OLA1: variants seen among roughly 807,000 people sequenced by gnomAD.
OLA1 encodes the protein obg-like ATPase 1.
A neutral mutation model predicts 48.4 loss-of-function variants in OLA1; 14 were observed. The ratio of observed to expected loss-of-function variants is 0.29; its 90% CI spans 0.19 to 0.45. The LOEUF is 0.45. Among genes scored for constraint, OLA1 ranks in the 20% least tolerant of loss-of-function variants. The probability of loss-of-function intolerance (pLI) is 1.00; values close to 1 mark genes in which losing one functional copy is unlikely to be tolerated. For synonymous variants in OLA1, 127 were observed against 150.4 expected, an observed-to-expected ratio of 0.84 and a Z score of 1.14; for missense variants, 325 against 467.1, an observed-to-expected ratio of 0.70 and a Z score of 2.80.
chr2:174,236,353 AATT>A (rs2105461670), intron 2 of OLA1, among the ~76,000 whole-genome samples: 1 of 152,284 alleles, frequency 6.6e-6, no homozygotes, highest in Non-Finnish European at 1.5e-5. Context: ...ATCCAAATAA[AATT>A]ATTGTTAAAA....
intron 7 of OLA1, among the ~76,000 whole-genome samples, chr2:174,116,168 C>A (rs2105362999): frequency 6.6e-6 from 1 of 152,256 alleles, no homozygotes; most frequent in South Asian, 2.1e-4. Context: ...TGTGCAGTCC[C>A]AGCCTTATAT....
At chr2:174,169,409 C>T (rs528230765) in intron 4 of OLA1, among the ~76,000 whole-genome samples, 7 of 152,078 alleles carry the variant, frequency 4.6e-5, no homozygotes, top group Admixed American at 1.3e-4. Flanking sequence ...ACACAAATGT[C>T]GAAGGTAAAG....
intron 4 of OLA1, among the ~76,000 whole-genome samples, chr2:174,175,326 G>A (rs1307008829): frequency 6.9e-6 from 1 of 143,890 alleles, no homozygotes; most frequent in Admixed American, 6.9e-5. Context: ...CCACAGACTA[G>A]GAGAAAATTT....
intron 4 of OLA1, among the ~76,000 whole-genome samples, chr2:174,216,838 A>G (rs777893257): frequency 8.5e-5 from 13 of 152,090 alleles, no homozygotes; most frequent in Non-Finnish European, 1.5e-4. Context: ...GAGCCACCGC[A>G]CCTGGCCATG....
At chr2:174,142,386 T>C (rs1222429674) in intron 4 of OLA1, among the ~76,000 whole-genome samples, 2 of 151,346 alleles carry the variant, frequency 1.3e-5, no homozygotes, top group Non-Finnish European at 2.9e-5. Context: ...GGAGGGGGGG[T>C]CTGAAATCAT....
At chr2:174,097,921 G>A (rs1004351174) in intron 7 of OLA1, among the ~76,000 whole-genome samples, 2 of 151,974 alleles carry the variant, frequency 1.3e-5, no homozygotes, top group Non-Finnish European at 2.9e-5. Context: ...TATCCAAATC[G>A]TCTCACTATT....
At chr2:174,167,299 G>A (rs956410162) in intron 4 of OLA1, among the ~76,000 whole-genome samples, 3 of 152,230 alleles carry the variant, frequency 2.0e-5, no homozygotes, top group African/African-American at 7.2e-5. Flanking sequence ...CCTTAGCCCA[G>A]GCGCAGTGGC....
intron 7 of OLA1, among the ~76,000 whole-genome samples, chr2:174,121,765 T>C (rs557160978): frequency 9.3e-4 from 142 of 152,328 alleles, no homozygotes; most frequent in Middle Eastern, 3.4e-3. Context: ...CTAAGCAGTC[T>C]GTCTACCATT....
Position 174,081,909 on chromosome 2 carries a change from T to C in OLA1, c.869+15A>G. The C allele has an allele frequency of 6.2e-7, 1 of 1,609,092 alleles. No individual in the cohort carries two copies. The highest frequency in any genetic ancestry group is 8.5e-7 in the Non-Finnish European group (1 of 1,178,316). On this transcript the variant is annotated intron_variant, in intron 8 of 10. Transcript: ENST00000284719. The stretch of plus-strand genomic sequence containing the variant: ...AGTTGATAATAAAGTGTAGGGAAAA[T>C]GAATGCTAATTAACCTTTGTGTCAT...
At chr2:174,185,071 T>A (rs1687623968) in intron 4 of OLA1, among the ~76,000 whole-genome samples, 1 of 152,184 alleles carries the variant, frequency 6.6e-6, no homozygotes, top group Non-Finnish European at 1.5e-5. Context: ...GTGGAGCAGA[T>A]CCCCGTTCCT....
intron 4 of OLA1, among the ~76,000 whole-genome samples, chr2:174,176,140 C>T (rs950055431): frequency 2.0e-5 from 3 of 152,024 alleles, no homozygotes; most frequent in Non-Finnish European, 4.4e-5. Context: ...TAAACTTCAT[C>T]AAACTGTACA....
At chr2:174,093,164 ATTGGCTG>A (rs1685165404) in intron 7 of OLA1, among the ~76,000 whole-genome samples, 1 of 152,150 alleles carries the variant, frequency 6.6e-6, no homozygotes, top group African/African-American at 2.4e-5. Context: ...AAAAAGCTAA[ATTGGCTG>A]GGTGCAATGG....
At chr2:174,158,367 A>G (rs987416575) in intron 4 of OLA1, among the ~76,000 whole-genome samples, 2 of 152,010 alleles carry the variant, frequency 1.3e-5, no homozygotes, top group African/African-American at 2.4e-5. Context: ...GTTATGGTAC[A>G]GAAGGGGTGG....
intron 1 of OLA1, chr2:174,248,062 C>T (rs1033682151): frequency 3.5e-5 from 10 of 284,708 alleles, no homozygotes; most frequent in Non-Finnish European, 5.5e-5. Context: ...CCCTTCTCAG[C>T]GTCCTGACAC....
chr2:174,137,665 C>G (rs1406621556), intron 5 of OLA1, among the ~76,000 whole-genome samples: 1 of 152,228 alleles, frequency 6.6e-6, no homozygotes, highest in Non-Finnish European at 1.5e-5. Flanking sequence ...CTTCACCTTG[C>G]AGTTTTATGT....
At chr2:174,219,867 C>T (rs186445038) in intron 4 of OLA1, among the ~76,000 whole-genome samples, 1 of 152,160 alleles carries the variant, frequency 6.6e-6, no homozygotes, top group African/African-American at 2.4e-5. Flanking sequence ...CACAGTGGCT[C>T]ACACCTGTAA....
intron 4 of OLA1, among the ~76,000 whole-genome samples, chr2:174,150,828 G>T (rs765591018): frequency 1.3e-5 from 2 of 152,152 alleles, no homozygotes; most frequent in Non-Finnish European, 1.5e-5. Context: ...ATTAAAAAGG[G>T]AGAGCAATAT....
chr2:174,161,773 A>G (rs1339128034), intron 4 of OLA1, among the ~76,000 whole-genome samples: 1 of 152,076 alleles, frequency 6.6e-6, no homozygotes, highest in African/African-American at 2.4e-5. Context: ...TTAGGTAACC[A>G]AACAAAGTAG....
chr2:174,084,809 G>A lies in OLA1; in HGVS notation c.729-2745C>T, dbSNP rs115212347. On this transcript the variant is annotated intron_variant, in intron 7 of 10. Coordinates refer to ENST00000284719, the MANE Select transcript of OLA1 (RefSeq NM_013341.5). The stretch of plus-strand genomic sequence containing the variant: ...AAAAACAATTCCAAGCCATTCTGCC[G>A]AAGTGCCTGAATAATAATCTCTATG... Among the ~76,000 whole-genome samples the A allele has an allele frequency of 8.4e-3, 1,276 of 152,298 alleles. 18 individuals carry two copies. Among genetic ancestry groups the A allele is most frequent in the African/African-American group, 0.029 (1,211 of 41,546 alleles).
Sources: allele counts gnomAD v4.1 joint callset (sites outside exome capture counted in the v4.1 genomes callset), GRCh38; gene constraint gnomAD v4.1.1; transcripts MANE v1.5; gene names NCBI Gene and HGNC (gene_info 2026-07-23, HGNC 2026-07-21).